The following SLC24A3 variants were observed in gnomAD, a reference collection of about 807,000 sequenced individuals.
SLC24A3 encodes solute carrier family 24 member 3.
Under a neutral mutation model 75.8 loss-of-function variants are expected in SLC24A3, and 28 were observed. The observed-to-expected ratio is 0.37, with a 90% CI of 0.27 to 0.51. The LOEUF (loss-of-function observed/expected upper bound fraction) is 0.51, where lower values mean the gene tolerates loss of function less well. SLC24A3 is among the 20% of genes least tolerant of loss of function. SLC24A3 has a pLI of 0.94. For missense variants in SLC24A3, 663 were observed against 847.8 expected, an observed-to-expected ratio of 0.78 and a Z score of 2.71; for synonymous variants, 372 against 334.1, an observed-to-expected ratio of 1.11 and a Z score of -1.24.
At position 19,519,160 on chromosome 20, in the gene SLC24A3, G is replaced by T. The variant is rs144789502; in HGVS notation, c.348+3596G>T. Among the ~76,000 whole-genome samples, 386 of 152,262 alleles carry T rather than the reference G, an allele frequency of 2.5e-3. 4 individuals carry two copies. The highest frequency in any genetic ancestry group is 0.01 in the East Asian group (52 of 5,170). Reference sequence around the variant, plus strand: ...TGAAACCTGATCACACTTAGCATTGGCACCTACACTCAACCTGCCCCTTTC... The same window carrying T: ...TGAAACCTGATCACACTTAGCATTGTCACCTACACTCAACCTGCCCCTTTC... On this transcript the variant is annotated intron_variant, in intron 3 of 16. Coordinates refer to ENST00000328041, the MANE Select transcript of SLC24A3 (RefSeq NM_020689.4).
intron 2 of SLC24A3, among the ~76,000 whole-genome samples, chr20:19,492,211 G>A (rs1254197333): frequency 6.6e-6 from 1 of 152,146 alleles, no homozygotes; most frequent in Non-Finnish European, 1.5e-5. Context: ...ATACTCTAAA[G>A]CAAGGCCAGA....
At chr20:19,719,506 G>GT (rs1285312304) in intron 16 of SLC24A3, among the ~76,000 whole-genome samples, 1 of 151,958 alleles carries the variant, frequency 6.6e-6, no homozygotes, top group East Asian at 1.9e-4. Context: ...GGGAGGTGGG[G>GT]TTGGGAGCTC....
intron 6 of SLC24A3, among the ~76,000 whole-genome samples, chr20:19,639,996 G>A (rs1373038739): frequency 6.6e-6 from 1 of 152,240 alleles, no homozygotes; most frequent in African/African-American, 2.4e-5. Context: ...GCGCAGCCCT[G>A]ATTCCCGCTG....
intron 2 of SLC24A3, among the ~76,000 whole-genome samples, chr20:19,501,557 T>C (rs958859830): frequency 1.3e-5 from 2 of 152,216 alleles, no homozygotes; most frequent in African/African-American, 4.8e-5. Flanking sequence ...TAAAGGAAAG[T>C]AGAACACAAT....
chr20:19,534,898 A>G (rs1239994959), intron 3 of SLC24A3, among the ~76,000 whole-genome samples: 2 of 152,342 alleles, frequency 1.3e-5, no homozygotes, highest in East Asian at 1.9e-4. Flanking sequence ...TAGGTATTGT[A>G]TAGAAAATGA....
chr20:19,233,931 C>A (rs1982096124), intron 1 of SLC24A3, among the ~76,000 whole-genome samples: 1 of 152,196 alleles, frequency 6.6e-6, no homozygotes, highest in African/African-American at 2.4e-5. Context: ...ACACTAATTT[C>A]TCTCTAATTT....
At chr20:19,575,711 C>T (rs971892121) in intron 3 of SLC24A3, among the ~76,000 whole-genome samples, 1 of 152,246 alleles carries the variant, frequency 6.6e-6, no homozygotes, top group East Asian at 1.9e-4. Flanking sequence ...TGGGCTGCCT[C>T]AGGGTGTTGG....
chr20:19,515,708 G>A, intron 3 of SLC24A3, 144 bp downstream of exon 3: 1 of 738,826 alleles, frequency 1.4e-6, no homozygotes. Context: ...AGCTCTGTAG[G>A]GGGCCATCAC....
intron 2 of SLC24A3, among the ~76,000 whole-genome samples, chr20:19,293,921 AC>A (rs149833624): frequency 1.4e-4 from 22 of 151,888 alleles, no homozygotes; most frequent in African/African-American, 4.6e-4. Context: ...GTTCTAGGAC[AC>A]CCCCCCACCT....
chr20:19,263,195 G>T (rs943133543), intron 1 of SLC24A3, among the ~76,000 whole-genome samples: 3 of 152,158 alleles, frequency 2.0e-5, no homozygotes, highest in African/African-American at 7.2e-5. Flanking sequence ...GCTGCAATGA[G>T]CAGGGTAGCT....
intron 3 of SLC24A3, among the ~76,000 whole-genome samples, chr20:19,560,937 C>G (rs909597481): frequency 1.3e-5 from 2 of 152,130 alleles, no homozygotes; most frequent in African/African-American, 2.4e-5. Context: ...TAATTAGAAT[C>G]ATATGTACGT....
chr20:19,349,352 AT>A (rs923852076), intron 2 of SLC24A3, among the ~76,000 whole-genome samples: 1 of 152,182 alleles, frequency 6.6e-6, no homozygotes, highest in African/African-American at 2.4e-5. Flanking sequence ...TGGGTTGTGT[AT>A]TAGACACTGT....
intron 4 of SLC24A3, among the ~76,000 whole-genome samples, chr20:19,583,456 T>C (rs959414968): frequency 2.6e-5 from 4 of 152,064 alleles, no homozygotes; most frequent in African/African-American, 9.7e-5. Flanking sequence ...TGGGGAGGGC[T>C]TTTCAGGGCT....
At chr20:19,355,079 C>T (rs1414214461) in intron 2 of SLC24A3, 1 of 152,216 alleles carries the variant, frequency 6.6e-6, no homozygotes, top group African/African-American at 2.4e-5. Context: ...CTTATGACCC[C>T]TTTCAGACTT....
chr20:19,457,118 G>A (rs1021333413), intron 2 of SLC24A3, among the ~76,000 whole-genome samples: 1 of 152,176 alleles, frequency 6.6e-6, no homozygotes, highest in Non-Finnish European at 1.5e-5. Flanking sequence ...GAATAATGTA[G>A]TACTTACTGA....
chr20:19,409,555 A>G (rs1986708651), intron 2 of SLC24A3, among the ~76,000 whole-genome samples: 1 of 152,196 alleles, frequency 6.6e-6, no homozygotes, highest in South Asian at 2.1e-4. Context: ...CAAATGTCTC[A>G]TTGGAGAAGG....
At chr20:19,449,424 C>T (rs1314146615) in intron 2 of SLC24A3, among the ~76,000 whole-genome samples, 3 of 152,204 alleles carry the variant, frequency 2.0e-5, no homozygotes, top group Admixed American at 2.0e-4. Context: ...GGGCCGAAGA[C>T]ACACATTTCC....
intron 2 of SLC24A3, among the ~76,000 whole-genome samples, chr20:19,374,580 G>T (rs1037965660): frequency 2.0e-5 from 3 of 152,166 alleles, no homozygotes; most frequent in Admixed American, 6.5e-5. Flanking sequence ...ACAGCCCTTT[G>T]TAATATGCAC....
At chr20:19,398,611 T>C (rs1311302017) in intron 2 of SLC24A3, among the ~76,000 whole-genome samples, 1 of 152,182 alleles carries the variant, frequency 6.6e-6, no homozygotes, top group African/African-American at 2.4e-5. Flanking sequence ...TAGAGGGTTA[T>C]AACATCTGCA....
Sources: gnomAD v4.1 joint callset for allele counts (sites outside exome capture counted in the v4.1 genomes callset) on GRCh38, gnomAD v4.1.1 for gene constraint, MANE v1.5 for transcripts, NCBI Gene and HGNC (gene_info 2026-07-23, HGNC 2026-07-21) for gene names.